The following G2E3 variants were observed in gnomAD, a reference collection of about 807,000 sequenced individuals.
G2E3 encodes G2/M-phase specific E3 ubiquitin protein ligase, also known as G2/M phase-specific E3 ubiquitin-protein ligase.
A neutral mutation model predicts 92.8 loss-of-function variants in G2E3; 35 were observed. The ratio of observed to expected loss-of-function variants is 0.38; its 90% confidence interval spans 0.29 to 0.50. The LOEUF is 0.50. G2E3 is among the 20% of genes least tolerant of loss of function. The probability of loss-of-function intolerance (pLI) is 0.94; values close to 1 mark genes in which losing one functional copy is unlikely to be tolerated. For missense variants in G2E3, 554 were observed against 823.8 expected (o/e 0.67, Z 4.01); for synonymous variants, 242 against 272.4 (o/e 0.89, Z 1.10).
chr14:30,595,359 C>G (rs1881228404), intron 6 of G2E3, among the ~76,000 whole-genome samples: 1 of 152,060 alleles, frequency 6.6e-6, no homozygotes, highest in Non-Finnish European at 1.5e-5. Flanking sequence ...CCAAATGTGT[C>G]ATCTTGTTAA....
chr14:30,559,197 G>C lies in G2E3; in HGVS notation c.-80G>C, dbSNP rs540289635. 6.6e-6 allele frequency: 1 copy of C among 152,438 alleles called. No individual in the cohort carries two copies. Among genetic ancestry groups the C allele is most frequent in the Non-Finnish European group, 1.5e-5 (1 of 68,186 alleles). The allele number at this position is 152,438 out of a possible 1,614,324, so 9.4% of individuals were successfully genotyped here. A position where few individuals can be genotyped will look rare whatever the true frequency, so the allele number is the denominator to read the frequency against. On this transcript the variant is annotated 5_prime_UTR_variant, in exon 1 of 15. Coordinates refer to ENST00000206595, the MANE Select transcript of G2E3 (RefSeq NM_017769.5). Reference sequence around the variant, plus strand: ...TGGGCCGTTGAATGTGGCTGCTCGCGGTCGGCGTGCCCCGACGTACAGCGG... The same window carrying C: ...TGGGCCGTTGAATGTGGCTGCTCGCCGTCGGCGTGCCCCGACGTACAGCGG...
intron 11 of G2E3, among the ~76,000 whole-genome samples, chr14:30,606,738 C>A (rs1881850200): frequency 1.3e-5 from 2 of 152,042 alleles, no homozygotes; most frequent in Admixed American, 6.6e-5. Context: ...AAGGTTATTA[C>A]ACAGGTATTG....
chr14:30,576,106 C>G (rs1039515255), intron 1 of G2E3, among the ~76,000 whole-genome samples: 2 of 152,066 alleles, frequency 1.3e-5, no homozygotes, highest in Admixed American at 6.5e-5. Context: ...TCACATTACC[C>G]ATCTTCAAAC....
At chr14:30,563,100 C>T (rs572088299) in intron 1 of G2E3, among the ~76,000 whole-genome samples, 7 of 149,752 alleles carry the variant, frequency 4.7e-5, no homozygotes, top group Middle Eastern at 3.5e-3. Flanking sequence ...CTCTCGTCTC[C>T]GCACACGGGG....
chr14:30,575,535 G>A (rs887881803), intron 1 of G2E3, among the ~76,000 whole-genome samples: 1 of 152,158 alleles, frequency 6.6e-6, no homozygotes, highest in African/African-American at 2.4e-5. Flanking sequence ...TCAGGCAAGA[G>A]AAGGAAATAA....
chr14:30,609,398 A>G (rs936509878), intron 12 of G2E3, among the ~76,000 whole-genome samples: 1 of 152,130 alleles, frequency 6.6e-6, no homozygotes, highest in Non-Finnish European at 1.5e-5. Flanking sequence ...CTAATTTTTC[A>G]TCTGCTGTGA....
intron 8 of G2E3, among the ~76,000 whole-genome samples, chr14:30,599,717 T>A (rs765673376): frequency 6.6e-6 from 1 of 152,196 alleles, no homozygotes; most frequent in Non-Finnish European, 1.5e-5. Flanking sequence ...TTATGTAGAT[T>A]ACATATTGAA....
intron 1 of G2E3, among the ~76,000 whole-genome samples, chr14:30,569,419 T>A (rs1425706182): frequency 6.6e-6 from 1 of 152,192 alleles, no homozygotes; most frequent in Non-Finnish European, 1.5e-5. Flanking sequence ...AATTCAAGTG[T>A]AATGTTCTTT....
chr14:30,583,673 G>C (rs149596446), intron 2 of G2E3, among the ~76,000 whole-genome samples: 1 of 152,260 alleles, frequency 6.6e-6, no homozygotes, highest in African/African-American at 2.4e-5. Context: ...CACCACAAGT[G>C]GTAAATATGT....
At chr14:30,590,541 T>G (rs766860022) in intron 4 of G2E3, 22 of 386,610 alleles carry the variant, frequency 5.7e-5, no homozygotes, top group Non-Finnish European at 1.1e-4. Flanking sequence ...GTCTGGAAAT[T>G]AAGGAGGATG....
chr14:30,605,660 C>T lies in G2E3; in HGVS notation c.1166C>T (p.Ala389Val). 6.2e-7 allele frequency: 1 copy of T among 1,609,978 alleles called. No individual in the cohort carries two copies. Among genetic ancestry groups the T allele is most frequent in the Non-Finnish European group, 8.5e-7 (1 of 1,177,006 alleles). ...AATCGAAACTTTAATCCTTCATATGCAATTGAAGTAGCATATGTTATTGAA... is the reference window on the plus strand; with the variant it reads ...AATCGAAACTTTAATCCTTCATATGTAATTGAAGTAGCATATGTTATTGAA... ...FRNRNFNPSYAIEVAYVIEND... is the reference protein window; with the variant it reads ...FRNRNFNPSYVIEVAYVIEND... Residue 389 changes from alanine to valine, a missense_variant, in exon 11 of 15, where the codon GCA (alanine) becomes GTA (valine). By Grantham distance (64) the Ala-to-Val change is moderately conservative (BLOSUM62 0). Around this residue, in one of 3 missense-constraint regions of G2E3, gnomAD observed 397 missense variants for 560.3 expected, o/e 0.71. Coordinates refer to ENST00000206595, the MANE Select transcript of G2E3 (RefSeq NM_017769.5).
chr14:30,580,027 T>G (rs976874994), intron 1 of G2E3, among the ~76,000 whole-genome samples: 2 of 152,152 alleles, frequency 1.3e-5, no homozygotes, highest in African/African-American at 2.4e-5. Flanking sequence ...TTTTATTTGT[T>G]TAACTAGTGG....
intron 1 of G2E3, among the ~76,000 whole-genome samples, chr14:30,570,019 C>G (rs1256613773): frequency 6.6e-6 from 1 of 152,190 alleles, no homozygotes; most frequent in Admixed American, 6.5e-5. Flanking sequence ...TGTTTACTTG[C>G]CTGCCTCCCA....
rs896342102 is a variant in G2E3, at chr14:30,618,360, T to G, written c.*1826T>G. 1 of 152,014 alleles carries G rather than the reference T, an allele frequency of 6.6e-6. No individual in the cohort carries two copies. Among genetic ancestry groups the G allele is most frequent in the Admixed American group, 6.5e-5 (1 of 15,278 alleles). 9.4% of individuals were successfully genotyped at this position (152,014 alleles called of 1,614,324 possible). ...TTCCAAATATGTTGATAAAAAGATA[T>G]TTGTTTCTTTATCCACCTTATTTTT... On this transcript the variant is annotated 3_prime_UTR_variant, in exon 15 of 15. Transcript: ENST00000206595.
intron 1 of G2E3, among the ~76,000 whole-genome samples, chr14:30,580,517 T>C (rs1031045978): frequency 6.6e-6 from 1 of 152,214 alleles, no homozygotes; most frequent in Non-Finnish European, 1.5e-5. Flanking sequence ...AAGGATTGTT[T>C]TATAGGCTGC....
intron 8 of G2E3, 125 bp downstream of exon 8, chr14:30,598,724 G>A (rs1881412276): frequency 2.7e-6 from 2 of 741,474 alleles, no homozygotes; most frequent in Non-Finnish European, 4.9e-6. Flanking sequence ...ATTGAGATGA[G>A]GGATATTTTC....
At chr14:30,590,406 G>C in intron 4 of G2E3, 1 of 253,466 alleles carries the variant, frequency 3.9e-6, no homozygotes, top group Non-Finnish European at 7.9e-6. Flanking sequence ...ATGTCATTAG[G>C]CTCAAAGGTC....
intron 12 of G2E3, among the ~76,000 whole-genome samples, chr14:30,609,201 T>G (rs902337909): frequency 1.3e-5 from 2 of 152,170 alleles, no homozygotes; most frequent in African/African-American, 4.8e-5. Flanking sequence ...AAATTGACCC[T>G]TTAATTCTTC....
intron 6 of G2E3, among the ~76,000 whole-genome samples, chr14:30,597,191 G>T (rs1372851079): frequency 6.6e-6 from 1 of 152,088 alleles, no homozygotes; most frequent in Admixed American, 6.5e-5. Flanking sequence ...AAATATATGG[G>T]TGATGTAAAG....
Sources: allele counts gnomAD v4.1 joint callset (sites outside exome capture counted in the v4.1 genomes callset), GRCh38; gene constraint gnomAD v4.1.1; regional missense constraint gnomAD v4.1.1; transcripts MANE v1.5; gene names NCBI Gene and HGNC (gene_info 2026-07-23, HGNC 2026-07-21).